The following UBE2G1 variants were observed in gnomAD, a reference collection of about 807,000 sequenced individuals.
UBE2G1 encodes ubiquitin conjugating enzyme E2 G1.
In UBE2G1, 5 loss-of-function variants were observed where a neutral mutation model predicts 22.7. The ratio of observed to expected loss-of-function variants is 0.22; its 90% CI spans 0.12 to 0.46. The LOEUF is 0.46. Ranked by LOEUF, UBE2G1 falls within the 20% of genes least tolerant of loss-of-function variation. The pLI is 0.99. For synonymous variants in UBE2G1, 74 were observed against 67.5 expected (o/e 1.10, Z -0.47); for missense variants, 88 against 203.9 (o/e 0.43, Z 3.46).
At position 4,324,732 on chromosome 17, in the gene UBE2G1, T is replaced by C. The variant is rs2143766122; in HGVS notation, c.47-17609A>G. 2.0e-5 allele frequency among the ~76,000 whole-genome samples: 3 copies of C among 152,200 alleles called. No individual in the cohort carries two copies. In the South Asian group the frequency reaches 6.2e-4, roughly 32 times the overall value. ...CATGTCCAGCCAGTTAAATGATTTC[T>C]TGAGAAAATAATTAGAAAAATCCAC... On this transcript the variant is annotated intron_variant, in intron 1 of 5. Transcript: ENST00000396981.
At chr17:4,294,666 C>T (rs1229580728) in intron 3 of UBE2G1, among the ~76,000 whole-genome samples, 1 of 152,018 alleles carries the variant, frequency 6.6e-6, no homozygotes, top group Non-Finnish European at 1.5e-5. Flanking sequence ...AATCCCAGTA[C>T]TTTGGGAGGA....
chr17:4,351,461 C>A (rs540841032), intron 1 of UBE2G1, among the ~76,000 whole-genome samples: 1 of 152,220 alleles, frequency 6.6e-6, no homozygotes, highest in East Asian at 1.9e-4. Context: ...TTTGTTGTAT[C>A]CATTTGGCAA....
chr17:4,331,391 C>T (rs1969575964), intron 1 of UBE2G1, among the ~76,000 whole-genome samples: 1 of 152,108 alleles, frequency 6.6e-6, no homozygotes, highest in Non-Finnish European at 1.5e-5. Context: ...ATAGTAGCAG[C>T]ATATGAAGGA....
At chr17:4,343,264 T>C (rs1969731084) in intron 1 of UBE2G1, among the ~76,000 whole-genome samples, 1 of 152,170 alleles carries the variant, frequency 6.6e-6, no homozygotes, top group South Asian at 2.1e-4. Flanking sequence ...TTTTACATGA[T>C]CCTATGGCTT....
chr17:4,355,067 G>A (rs150600428), intron 1 of UBE2G1, among the ~76,000 whole-genome samples: 2 of 152,012 alleles, frequency 1.3e-5, no homozygotes, highest in African/African-American at 2.4e-5. Context: ...ACTCTAGTCC[G>A]GACAACAGAG....
intron 1 of UBE2G1, among the ~76,000 whole-genome samples, chr17:4,347,368 TTGA>T (rs1402739088): frequency 1.3e-5 from 2 of 152,034 alleles, no homozygotes; most frequent in Non-Finnish European, 2.9e-5. Context: ...TTTTAACAAA[TTGA>T]AGGTTCATCA....
chr17:4,325,106 C>CA (rs997259705), intron 1 of UBE2G1, among the ~76,000 whole-genome samples: 7 of 148,352 alleles, frequency 4.7e-5, no homozygotes, highest in African/African-American at 1.3e-4. Context: ...ACAAAAAAAA[C>CA]AAAAAACAAA....
intron 1 of UBE2G1, chr17:4,345,646 CAT>C (rs2143806111): frequency 6.6e-6 from 1 of 152,284 alleles, no homozygotes; most frequent in African/African-American, 2.4e-5. Context: ...TTTCTTTAGT[CAT>C]AGTAACGAGA....
At chr17:4,305,214 G>A (rs563082864) in intron 2 of UBE2G1, among the ~76,000 whole-genome samples, 23 of 151,960 alleles carry the variant, frequency 1.5e-4, no homozygotes, top group Non-Finnish European at 3.1e-4. Context: ...CCTCGGCCTC[G>A]TGAGCCACTA....
At chr17:4,290,915 A>T (rs1969029033) in intron 3 of UBE2G1, among the ~76,000 whole-genome samples, 1 of 151,892 alleles carries the variant, frequency 6.6e-6, no homozygotes, top group Admixed American at 6.6e-5. Context: ...CCAGGCACAC[A>T]TCTGACAGAG....
rs1396110973 is a variant in UBE2G1, at chr17:4,269,425, AT to A, written c.*3128del. ...AGCAACATTATGTCAAATTTCAAAG[AT>A]GCTGAGAAGTGGCAGTACAAAAAAG... On this transcript the variant is annotated 3_prime_UTR_variant, in exon 6 of 6. Coordinates refer to ENST00000396981, the MANE Select transcript of UBE2G1 (RefSeq NM_003342.5). 6.2e-6 allele frequency: 1 copy of A among 160,332 alleles called. No homozygotes were observed. The highest frequency in any genetic ancestry group is 1.4e-5 in the Non-Finnish European group (1 of 73,572). The allele number at this position is 160,332 out of a possible 1,614,324, so 9.9% of individuals were successfully genotyped here. A position where few individuals can be genotyped will look rare whatever the true frequency, so the allele number is the denominator to read the frequency against.
At chr17:4,309,137 G>A (rs577354837) in intron 1 of UBE2G1, among the ~76,000 whole-genome samples, 93 of 152,288 alleles carry the variant, frequency 6.1e-4, no homozygotes, top group African/African-American at 2.2e-3. Context: ...GCGGACATCT[G>A]TAATCCCAGC....
rs556321109 is a variant in UBE2G1, at chr17:4,300,960, T to G, written c.150-4146A>C. On this transcript the variant is annotated intron_variant, in intron 2 of 5. Coordinates refer to ENST00000396981, the MANE Select transcript of UBE2G1 (RefSeq NM_003342.5). ...AACAAAAAAAAAAGAGAGAGAGAGA[T>G]ATGTAACCAGCAGTTTCACATTTGA... 1.3e-4 allele frequency among the ~76,000 whole-genome samples: 19 copies of G among 151,362 alleles called. 1 individual carries two copies. The highest frequency in any genetic ancestry group is 1.2e-3 in the East Asian group (6 of 5,168).
At chr17:4,323,090 T>C (rs1308344468) in intron 1 of UBE2G1, among the ~76,000 whole-genome samples, 2 of 152,170 alleles carry the variant, frequency 1.3e-5, no homozygotes, top group African/African-American at 4.8e-5. Context: ...CCCCAATGAA[T>C]TGCAGAAAAC....
intron 3 of UBE2G1, among the ~76,000 whole-genome samples, chr17:4,290,716 A>G (rs1969023831): frequency 7.0e-6 from 1 of 142,570 alleles, no homozygotes; most frequent in Admixed American, 7.3e-5. Flanking sequence ...CCTGGGCTCT[A>G]GTGATCCTCC....
At position 4,354,903 on chromosome 17, in the gene UBE2G1, C is replaced by A. The variant is rs117553932; in HGVS notation, c.46+11368G>T. ...AGTAGGCCATCATCACATCCCTGCA[C>A]TCCAGCCTGGGTGACAGAGCAAGAC... On this transcript the variant is annotated intron_variant, in intron 1 of 5. Coordinates refer to ENST00000396981, the MANE Select transcript of UBE2G1 (RefSeq NM_003342.5). 7.3e-4 allele frequency among the ~76,000 whole-genome samples: 111 copies of A among 151,916 alleles called. No homozygotes were observed. In the East Asian group the frequency reaches 0.016, roughly 21 times the overall value.
chr17:4,335,779 G>A (rs995936416), intron 1 of UBE2G1, among the ~76,000 whole-genome samples: 7 of 152,158 alleles, frequency 4.6e-5, no homozygotes, highest in Non-Finnish European at 8.8e-5. Flanking sequence ...TAGACATAAC[G>A]AAATACAGTA....
At chr17:4,274,335 A>T (rs111406440) in intron 5 of UBE2G1, among the ~76,000 whole-genome samples, 3 of 151,246 alleles carry the variant, frequency 2.0e-5, no homozygotes, top group Non-Finnish European at 3.0e-5. Flanking sequence ...GTAGCTGGGA[A>T]TACAGGCGCC....
intron 2 of UBE2G1, among the ~76,000 whole-genome samples, chr17:4,303,467 A>T (rs1396750579): frequency 6.6e-6 from 1 of 152,240 alleles, no homozygotes; most frequent in East Asian, 1.9e-4. Context: ...TTTTTACCCT[A>T]GAAATGAAAC....
Sources: allele counts gnomAD v4.1 joint callset (sites outside exome capture counted in the v4.1 genomes callset), GRCh38; gene constraint gnomAD v4.1.1; transcripts MANE v1.5; gene names NCBI Gene and HGNC (gene_info 2026-07-23, HGNC 2026-07-21).